Variants in CLDN18 observed in about 807,000 individuals in gnomAD.
CLDN18 encodes the protein claudin-18.
A neutral mutation model predicts 25.0 loss-of-function variants in CLDN18; 20 were observed. That is an observed-to-expected ratio of 0.80 (90% CI 0.56 to 1.16). The LOEUF (loss-of-function observed/expected upper bound fraction) is 1.16. Among genes scored for constraint, CLDN18 ranks in the 50% most tolerant of loss-of-function variants. CLDN18 has a pLI of 0.00. For missense variants in CLDN18, 297 were observed against 345.4 expected (o/e 0.86, Z 1.11); for synonymous variants, 125 against 135.6 (o/e 0.92, Z 0.54).
intron 1 of CLDN18, among the ~76,000 whole-genome samples, chr3:138,018,138 G>A (rs1480233050): frequency 6.6e-6 from 1 of 152,168 alleles, no homozygotes; most frequent in Admixed American, 6.5e-5. Context: ...GCTATAAGAA[G>A]ATTATCTTAG....
At chr3:138,027,131 G>C (rs1467788453) in intron 3 of CLDN18, among the ~76,000 whole-genome samples, 2 of 152,164 alleles carry the variant, frequency 1.3e-5, no homozygotes, top group Non-Finnish European at 2.9e-5. Flanking sequence ...TTCCAGCTTT[G>C]TGTAAAAAAT....
intron 1 of CLDN18, among the ~76,000 whole-genome samples, chr3:138,012,501 A>G (rs1942145929): frequency 6.6e-6 from 1 of 151,946 alleles, no homozygotes; most frequent in African/African-American, 2.4e-5. Flanking sequence ...TCCTTTCAGT[A>G]TACCTTGGAC....
intron 1 of CLDN18, among the ~76,000 whole-genome samples, chr3:138,002,260 G>A (rs1306309683): frequency 6.6e-6 from 1 of 152,082 alleles, no homozygotes; most frequent in Non-Finnish European, 1.5e-5. Flanking sequence ...CTGAAATCCA[G>A]TTTGAATGGC....
chr3:138,005,948 G>A (rs1263499947), upstream of CLDN18, among the ~76,000 whole-genome samples: 1 of 152,082 alleles, frequency 6.6e-6, no homozygotes, highest in Non-Finnish European at 1.5e-5. Flanking sequence ...TCTATATAAT[G>A]AAATACTAAC....
At chr3:138,014,311 C>A (rs1942178169) in intron 1 of CLDN18, among the ~76,000 whole-genome samples, 1 of 152,022 alleles carries the variant, frequency 6.6e-6, no homozygotes. Context: ...TGGAGGACAG[C>A]AAATGTGAAT....
At chr3:138,002,418 G>A (rs897350338) in intron 1 of CLDN18, among the ~76,000 whole-genome samples, 4 of 152,194 alleles carry the variant, frequency 2.6e-5, no homozygotes, top group African/African-American at 9.6e-5. Flanking sequence ...CCGCCAGCGT[G>A]CAGGCATTTG....
upstream of CLDN18, among the ~76,000 whole-genome samples, chr3:138,006,504 G>T (rs867644192): frequency 3.8e-4 from 58 of 152,250 alleles, no homozygotes; most frequent in Non-Finnish European, 1.3e-4. Flanking sequence ...CCATTTTAAA[G>T]GTGATTAAAC....
At chr3:138,026,599 C>T (rs1345575206) in intron 3 of CLDN18, among the ~76,000 whole-genome samples, 4 of 152,112 alleles carry the variant, frequency 2.6e-5, no homozygotes, top group Admixed American at 6.5e-5. Flanking sequence ...GAGCCGAGAT[C>T]GCACCACTGC....
At chr3:137,999,315 C>A (rs1263523032) in intron 1 of CLDN18, among the ~76,000 whole-genome samples, 1 of 152,162 alleles carries the variant, frequency 6.6e-6, no homozygotes, top group Non-Finnish European at 1.5e-5. Flanking sequence ...CTGGATGGTG[C>A]CCAATTCTCC....
At chr3:138,022,380 T>C (rs1204078314) in intron 1 of CLDN18, among the ~76,000 whole-genome samples, 3 of 152,184 alleles carry the variant, frequency 2.0e-5, no homozygotes, top group African/African-American at 7.2e-5. Flanking sequence ...AAACTATGTG[T>C]TACCCACCTG....
intron 4 of CLDN18, 61 bp from the exon 5 acceptor site, chr3:138,030,909 T>A (rs999860873): frequency 7.0e-5 from 101 of 1,445,652 alleles, no homozygotes; most frequent in Non-Finnish European, 8.9e-5. Context: ...TTATGGTAAA[T>A]AGGAGGTTGG....
chr3:138,002,992 G>A (rs1942034453), intron 1 of CLDN18, among the ~76,000 whole-genome samples: 1 of 152,142 alleles, frequency 6.6e-6, no homozygotes, highest in Non-Finnish European at 1.5e-5. Context: ...CTATGTCCCA[G>A]ACTGTCTGCA....
In CLDN18 at chr3:138,020,028, T is replaced by A. The variant is rs184551117; in HGVS notation, c.221-3630T>A. 2.9e-3 allele frequency among the ~76,000 whole-genome samples: 438 copies of A among 152,334 alleles called. 2 individuals carry two copies. Among genetic ancestry groups the A allele is most frequent in the Non-Finnish European group, 5.0e-3 (341 of 68,032 alleles). ...TCAGAATATCAAGTAAGAGACAGAA[T>A]GGCTAAAAGAGAAACCTACCTGCTA... On this transcript the variant is annotated intron_variant, in intron 1 of 4. Transcript: ENST00000183605.
intron 1 of CLDN18, among the ~76,000 whole-genome samples, chr3:138,014,916 C>A (rs1057007486): frequency 6.6e-6 from 1 of 151,948 alleles, no homozygotes; most frequent in Non-Finnish European, 1.5e-5. Context: ...TTGCTTGAGG[C>A]CAGGAGTTCA....
At chr3:138,006,919 T>C (rs973431669), upstream of CLDN18, among the ~76,000 whole-genome samples, 3 of 152,244 alleles carry the variant, frequency 2.0e-5, no homozygotes, top group Non-Finnish European at 4.4e-5. Flanking sequence ...TTCCTTATTA[T>C]CTGAATAACA....
Position 138,023,639 on chromosome 3 carries a change from C to A in CLDN18, c.221-19C>A. The A allele has an allele frequency of 6.2e-7, 1 of 1,611,394 alleles. No individual in the cohort carries two copies. Among genetic ancestry groups the A allele is most frequent in the South Asian group, 1.1e-5 (1 of 90,752 alleles). On this transcript the variant is annotated intron_variant, in intron 1 of 4. Coordinates refer to ENST00000183605, the MANE Select transcript of CLDN18 (RefSeq NM_016369.4). Reference sequence around the variant, plus strand: ...GTTGGTCTTATTTGTCTGCTTGTGTCTTGCCCCTTGTCCCACAGCCATGCT... The same window carrying A: ...GTTGGTCTTATTTGTCTGCTTGTGTATTGCCCCTTGTCCCACAGCCATGCT...
At chr3:137,999,774 G>A (rs1223016687) in intron 1 of CLDN18, among the ~76,000 whole-genome samples, 2 of 152,104 alleles carry the variant, frequency 1.3e-5, no homozygotes, top group Admixed American at 1.3e-4. Flanking sequence ...CCCCTTCTAG[G>A]GATTGGCATA....
intron 1 of CLDN18, among the ~76,000 whole-genome samples, chr3:138,000,911 G>A (rs1321983207): frequency 3.3e-5 from 5 of 152,262 alleles, no homozygotes; most frequent in African/African-American, 1.2e-4. Flanking sequence ...CCATAGTGGG[G>A]AGAATCAGCC....
At chr3:137,998,867 C>T (rs781314724) in exon 1 of CLDN18, 2 of 1,614,192 alleles carry the variant, frequency 1.2e-6, no homozygotes, top group South Asian at 2.2e-5. Flanking sequence ...CTGTGCGCCA[C>T]CATGGCCGTG....
Sources: gnomAD v4.1 joint callset for allele counts (sites outside exome capture counted in the v4.1 genomes callset) on GRCh38, gnomAD v4.1.1 for gene constraint, MANE v1.5 for transcripts, NCBI Gene and HGNC (gene_info 2026-07-23, HGNC 2026-07-21) for gene names.